The following GNG12 variants were observed in gnomAD, a reference collection of about 807,000 sequenced individuals.
GNG12 encodes G protein subunit gamma 12, also known as guanine nucleotide-binding protein G(I)/G(S)/G(O) subunit gamma-12.
For synonymous variants in GNG12, 28 were observed against 29.7 expected, an observed-to-expected ratio of 0.94 and a Z score of 0.19; for missense variants, 69 against 83.8, an observed-to-expected ratio of 0.82 and a Z score of 0.69.
intron 2 of GNG12, among the ~76,000 whole-genome samples, chr1:67,741,623 T>A (rs538061932): frequency 6.6e-6 from 1 of 152,328 alleles, no homozygotes; most frequent in Non-Finnish European, 1.5e-5. Context: ...TTTGAGTCTA[T>A]AACAATTAAG....
chr1:67,800,129 A>C (rs575697287), intron 1 of GNG12, among the ~76,000 whole-genome samples: 1 of 152,328 alleles, frequency 6.6e-6, no homozygotes, highest in African/African-American at 2.4e-5. Context: ...CTTGCATTGG[A>C]ACAGAACTTT....
intron 2 of GNG12, among the ~76,000 whole-genome samples, chr1:67,742,633 A>C (rs1646489019): frequency 6.6e-6 from 1 of 152,212 alleles, no homozygotes; most frequent in South Asian, 2.1e-4. Context: ...GTGTGTATAA[A>C]GCGATATAAG....
chr1:67,748,095 T>A (rs902498316), intron 2 of GNG12, among the ~76,000 whole-genome samples: 1 of 152,088 alleles, frequency 6.6e-6, no homozygotes, highest in Non-Finnish European at 1.5e-5. Context: ...CAAGAGACTG[T>A]TAGTCTGCAT....
intron 2 of GNG12, among the ~76,000 whole-genome samples, chr1:67,774,197 C>T (rs1415161651): frequency 6.6e-6 from 1 of 152,180 alleles, no homozygotes; most frequent in African/African-American, 2.4e-5. Context: ...AGCATGTTTT[C>T]CTTCTGGTAC....
chr1:67,831,608 A>C (rs1647045413), intron 1 of GNG12, among the ~76,000 whole-genome samples: 1 of 152,182 alleles, frequency 6.6e-6, no homozygotes, highest in Non-Finnish European at 1.5e-5. Context: ...TTTTGGACTT[A>C]AACCAGGGCT....
Position 67,820,838 on chromosome 1 carries a change from T to A in GNG12, c.-77+12506A>T, listed in dbSNP as rs114924361. ...GGTAACTATCATCAGCTTCATCCAG[T>A]TTACTGCCGGGACACTATACTCTCT... On this transcript the variant is annotated intron_variant, in intron 1 of 3. Transcript: ENST00000370982. 1.3e-3 allele frequency among the ~76,000 whole-genome samples: 199 copies of A among 152,284 alleles called. 1 individual carries two copies. Among genetic ancestry groups the A allele is most frequent in the African/African-American group, 4.7e-3 (196 of 41,556 alleles).
chr1:67,725,701 T>C (rs571984372), intron 2 of GNG12, among the ~76,000 whole-genome samples: 1 of 152,262 alleles, frequency 6.6e-6, no homozygotes, highest in East Asian at 1.9e-4. Context: ...CCATTTAAAG[T>C]CCAAACCCAA....
intron 2 of GNG12, among the ~76,000 whole-genome samples, chr1:67,738,177 G>A (rs776060193): frequency 6.6e-6 from 1 of 152,072 alleles, no homozygotes; most frequent in Non-Finnish European, 1.5e-5. Context: ...GCCCACCTCA[G>A]CCTCTCAAAG....
At chr1:67,786,935 A>ATATATGTGTGTGTG (rs1332684243) in intron 1 of GNG12, among the ~76,000 whole-genome samples, 3 of 133,406 alleles carry the variant, frequency 2.2e-5, no homozygotes, top group African/African-American at 9.0e-5. Flanking sequence ...TTATATATAT[A>ATATATGTGTGTGTG]TGTGTGTGTG....
intron 1 of GNG12, among the ~76,000 whole-genome samples, chr1:67,814,715 A>G (rs1646943959): frequency 6.6e-6 from 1 of 152,228 alleles, no homozygotes; most frequent in African/African-American, 2.4e-5. Flanking sequence ...GGACAGTAAA[A>G]GGAAACACGT....
intron 1 of GNG12, among the ~76,000 whole-genome samples, chr1:67,790,857 A>G (rs1570551792): frequency 6.6e-6 from 1 of 151,868 alleles, no homozygotes; most frequent in Non-Finnish European, 1.5e-5. Context: ...CTCGTGATCT[A>G]CCCGCCTTGG....
intron 2 of GNG12, among the ~76,000 whole-genome samples, chr1:67,721,534 T>C (rs748310148): frequency 3.3e-5 from 5 of 152,140 alleles, no homozygotes; most frequent in Non-Finnish European, 7.3e-5. Context: ...AGGTAATTTC[T>C]AGATAGAGCT....
intron 1 of GNG12, among the ~76,000 whole-genome samples, chr1:67,778,974 G>A (rs1010514870): frequency 3.3e-5 from 5 of 152,148 alleles, no homozygotes; most frequent in African/African-American, 9.7e-5. Context: ...AGGTGGGGTC[G>A]AAAAGGCTGC....
chr1:67,798,300 T>C (rs903464812), intron 1 of GNG12, among the ~76,000 whole-genome samples: 1 of 152,072 alleles, frequency 6.6e-6, no homozygotes, highest in Non-Finnish European at 1.5e-5. Context: ...AGAATCTAGG[T>C]TGTACACTCC....
At chr1:67,718,322 G>T (rs1646338320) in intron 2 of GNG12, among the ~76,000 whole-genome samples, 1 of 151,358 alleles carries the variant, frequency 6.6e-6, no homozygotes, top group African/African-American at 2.4e-5. Flanking sequence ...ATAAAAATGT[G>T]AGCCACGTAT....
intron 2 of GNG12, among the ~76,000 whole-genome samples, chr1:67,769,395 G>A (rs965149077): frequency 6.6e-6 from 1 of 152,308 alleles, no homozygotes. Flanking sequence ...AATGTCACAT[G>A]AGCATGAAAG....
At chr1:67,753,267 A>G (rs997372389) in intron 2 of GNG12, among the ~76,000 whole-genome samples, 13 of 152,160 alleles carry the variant, frequency 8.5e-5, no homozygotes, top group Admixed American at 1.3e-4. Context: ...GGGCTCTGAC[A>G]TAACACTCAA....
intron 1 of GNG12, among the ~76,000 whole-genome samples, chr1:67,820,731 T>C (rs1646980327): frequency 6.6e-6 from 1 of 152,204 alleles, no homozygotes. Context: ...CACTTGTAAA[T>C]GGAGCCAGTA....
At chr1:67,809,074 G>A (rs1236052506) in intron 1 of GNG12, among the ~76,000 whole-genome samples, 1 of 152,184 alleles carries the variant, frequency 6.6e-6, no homozygotes, top group African/African-American at 2.4e-5. Flanking sequence ...TGTGGTATTA[G>A]TAAAGAAACA....
Sources: gnomAD v4.1 joint callset for allele counts (sites outside exome capture counted in the v4.1 genomes callset) on GRCh38, gnomAD v4.1.1 for gene constraint, MANE v1.5 for transcripts, NCBI Gene and HGNC (gene_info 2026-07-23, HGNC 2026-07-21) for gene names.